Variants in DRC1 observed in about 807,000 individuals in gnomAD.
DRC1 encodes the protein dynein regulatory complex protein 1.
DRC1 carries 74 observed loss-of-function variants against 98.7 expected under a neutral mutation model. The ratio of observed to expected loss-of-function variants is 0.75; its 90% CI spans 0.62 to 0.91. The LOEUF (loss-of-function observed/expected upper bound fraction) is 0.91, where lower values mean the gene tolerates loss of function less well. DRC1 is among the 40% of genes least tolerant of loss of function. The pLI is 0.00. For missense variants in DRC1, 875 were observed against 886.0 expected, an observed-to-expected ratio of 0.99 and a Z score of 0.16; for synonymous variants, 336 against 334.1, an observed-to-expected ratio of 1.01 and a Z score of -0.06.
chr2:26,438,845 G>A (rs938381950), intron 7 of DRC1, among the ~76,000 whole-genome samples: 1 of 152,172 alleles, frequency 6.6e-6, no homozygotes, highest in East Asian at 1.9e-4. Context: ...CACACACGTG[G>A]CAGTTTTATT....
intron 7 of DRC1, among the ~76,000 whole-genome samples, chr2:26,434,532 A>G (rs1303692651): frequency 6.6e-6 from 1 of 152,228 alleles, no homozygotes; most frequent in Non-Finnish European, 1.5e-5. Context: ...ATTAATTTAC[A>G]TTGTGCAAAG....
chr2:26,429,583 C>G, intron 4 of DRC1, 45 bp from the exon 5 acceptor site: 3 of 1,604,086 alleles, frequency 1.9e-6, no homozygotes, highest in Non-Finnish European at 2.6e-6. Flanking sequence ...GCACCTTCTG[C>G]TCCTGACACA....
Position 26,428,361 on chromosome 2 carries a change from AC to A in DRC1, c.541-1265del, listed in dbSNP as rs1365144159. Among the ~76,000 whole-genome samples the A allele has an allele frequency of 2.0e-5, 3 of 152,350 alleles. No homozygotes were observed. The South Asian group carries it at 6.2e-4, about 32-fold the overall frequency. On this transcript the variant is annotated intron_variant, in intron 4 of 16. Coordinates refer to ENST00000288710, the MANE Select transcript of DRC1 (RefSeq NM_145038.5). The stretch of plus-strand genomic sequence containing the variant: ...TGCTTACACAAACCTAGATGGTATA[AC>A]CTACTACACACCTAGGGTATATGAT...
chr2:26,418,370 G>T (rs1678884285), intron 2 of DRC1, among the ~76,000 whole-genome samples: 1 of 150,630 alleles, frequency 6.6e-6, no homozygotes, highest in Non-Finnish European at 1.5e-5. Context: ...GGTGGGCTGG[G>T]AGCTGTGGCC....
intron 7 of DRC1, among the ~76,000 whole-genome samples, chr2:26,439,936 TACACAC>T (rs1553342452): frequency 1.5e-4 from 11 of 75,498 alleles, no homozygotes; most frequent in South Asian, 5.2e-4. Context: ...TATATATATA[TACACAC>T]ACACATACAC....
intron 7 of DRC1, among the ~76,000 whole-genome samples, chr2:26,438,211 G>A (rs186867852): frequency 5.3e-5 from 8 of 151,876 alleles, no homozygotes; most frequent in African/African-American, 1.9e-4. Context: ...TGTAGACACA[G>A]TTTGATTCCA....
intron 4 of DRC1, among the ~76,000 whole-genome samples, chr2:26,426,219 C>A (rs1483305366): frequency 3.3e-5 from 5 of 152,142 alleles, no homozygotes; most frequent in Non-Finnish European, 5.9e-5. Context: ...ATGTATCATT[C>A]ATTTATCATT....
intron 1 of DRC1, among the ~76,000 whole-genome samples, chr2:26,403,659 G>A (rs1211940188): frequency 6.6e-6 from 1 of 152,020 alleles, no homozygotes. Flanking sequence ...GCCAGGTGTG[G>A]TGGCAGGCAC....
chr2:26,430,046 A>G (rs1663392554), intron 5 of DRC1, among the ~76,000 whole-genome samples: 1 of 152,242 alleles, frequency 6.6e-6, no homozygotes, highest in Non-Finnish European at 1.5e-5. Context: ...AAGCAGCTAG[A>G]CAATAAACAA....
intron 7 of DRC1, among the ~76,000 whole-genome samples, chr2:26,439,785 T>C (rs888817310): frequency 1.3e-5 from 2 of 151,482 alleles, no homozygotes; most frequent in African/African-American, 4.9e-5. Flanking sequence ...GACTTGTATT[T>C]TATCTGGTTG....
intron 10 of DRC1, among the ~76,000 whole-genome samples, 158 bp downstream of exon 10, chr2:26,445,106 T>C (rs1433154446): frequency 1.3e-5 from 2 of 152,194 alleles, no homozygotes; most frequent in Non-Finnish European, 2.9e-5. Flanking sequence ...TTGCTCTCTC[T>C]CCTGTATTAT....
In DRC1 at chr2:26,454,997, G is replaced by A; in HGVS notation, c.2064-134G>A. 1 of 1,348,094 alleles carries A rather than the reference G, an allele frequency of 7.4e-7. No individual in the cohort carries two copies. The highest frequency in any genetic ancestry group is 1.8e-5 in the Admixed American group (1 of 56,584). 83.5% of individuals were successfully genotyped at this position (1,348,094 alleles called of 1,614,324 possible). A position where few individuals can be genotyped will look rare whatever the true frequency, so the allele number is the denominator to read the frequency against. On this transcript the variant is annotated intron_variant, in intron 15 of 16. Coordinates refer to ENST00000288710, the MANE Select transcript of DRC1 (RefSeq NM_145038.5). The surrounding 1 kb of genome is among the most constrained non-coding windows in gnomAD (Gnocchi z 5.2). Reference sequence around the variant, plus strand: ...CTGTTCCTGCTAACCTGGCTCACCTGGCGGCTGGGTGAAGAGTGTAGCTTC... The same window carrying A: ...CTGTTCCTGCTAACCTGGCTCACCTAGCGGCTGGGTGAAGAGTGTAGCTTC...
chr2:26,449,558 G>A (rs74352500), intron 11 of DRC1, among the ~76,000 whole-genome samples: 7,117 of 152,360 alleles, frequency 0.047, 223 homozygotes, highest in Non-Finnish European at 0.069. Context: ...CATGTGTGCT[G>A]TGTTTTGGTT....
intron 6 of DRC1, among the ~76,000 whole-genome samples, chr2:26,431,157 T>C (rs557139404): frequency 6.6e-6 from 1 of 152,278 alleles, no homozygotes; most frequent in South Asian, 2.1e-4. Flanking sequence ...GGTTTCACCA[T>C]GTTGACCAGG....
chr2:26,421,557 CTTTTT>C (rs397873833), intron 3 of DRC1, among the ~76,000 whole-genome samples, 157 bp downstream of exon 3: 1 of 120,126 alleles, frequency 8.3e-6, no homozygotes, highest in Non-Finnish European at 1.7e-5. Flanking sequence ...CTTTCTCTCT[CTTTTT>C]TTTTTTTTTT....
intron 1 of DRC1, among the ~76,000 whole-genome samples, chr2:26,412,885 C>T (rs1678663457): frequency 6.6e-6 from 1 of 152,174 alleles, no homozygotes; most frequent in Non-Finnish European, 1.5e-5. Context: ...CGGGTTCACG[C>T]CATTCTCCTG....
In DRC1 at chr2:26,455,243, G is replaced by A. The variant is rs368470989; in HGVS notation, c.2166+10G>A. 12 of 1,610,086 alleles carry A rather than the reference G, an allele frequency of 7.5e-6. No individual in the cohort carries two copies. Among genetic ancestry groups the A allele is most frequent in the South Asian group, 5.5e-5 (5 of 90,934 alleles). ...GTATCTGAACTCCAAGGTGGGCGGC[G>A]GGGCCTTCCAAGGAGGGGCAGCGGG... On this transcript the variant is annotated intron_variant, in intron 16 of 16. Transcript: ENST00000288710.
intron 12 of DRC1, 78 bp from the exon 13 acceptor site, chr2:26,450,514 A>T: frequency 7.6e-7 from 1 of 1,318,618 alleles, no homozygotes; most frequent in Non-Finnish European, 1.1e-6. Flanking sequence ...CGCTCTTAGG[A>T]GCTGAGCATC....
At chr2:26,443,573 G>A (rs551756018) in intron 8 of DRC1, among the ~76,000 whole-genome samples, 3 of 152,262 alleles carry the variant, frequency 2.0e-5, no homozygotes, top group South Asian at 2.1e-4. Flanking sequence ...TGTAATTAAC[G>A]TTTGTCTTTG....
Sources: gnomAD v4.1 joint callset for allele counts (sites outside exome capture counted in the v4.1 genomes callset) on GRCh38, gnomAD v4.1.1 for gene constraint, Gnocchi (gnomAD v3.1) non-coding constraint, MANE v1.5 for transcripts, NCBI Gene and HGNC (gene_info 2026-07-23, HGNC 2026-07-21) for gene names.